Variants in MSH3 observed in about 807,000 individuals in gnomAD.
MSH3 encodes mutS homolog 3.
Under a neutral mutation model 123.3 loss-of-function variants are expected in MSH3, and 106 were observed. The observed-to-expected ratio is 0.86, with a 90% CI of 0.73 to 1.01. The LOEUF (loss-of-function observed/expected upper bound fraction) is 1.01, where lower values mean the gene tolerates loss of function less well. Among genes scored for constraint, MSH3 ranks in the 50% least tolerant of loss-of-function variants. The pLI, the probability that MSH3 is intolerant of heterozygous loss-of-function variation, is 0.00. For missense variants in MSH3, 1,459 were observed against 1,347.6 expected, an observed-to-expected ratio of 1.08 and a Z score of -1.29; for synonymous variants, 515 against 481.4, an observed-to-expected ratio of 1.07 and a Z score of -0.91.
chr5:80,774,931 T>G (rs1580041268), intron 15 of MSH3, among the ~76,000 whole-genome samples: 1 of 152,190 alleles, frequency 6.6e-6, no homozygotes, highest in Admixed American at 6.5e-5. Flanking sequence ...ATAATTTAAT[T>G]GTACATTTTT....
chr5:80,737,587 T>C, intron 10 of MSH3, among the ~76,000 whole-genome samples: 1 of 152,226 alleles, frequency 6.6e-6, no homozygotes, highest in East Asian at 1.9e-4. Context: ...CAATGGTAAA[T>C]AATTTAGAAT....
intron 21 of MSH3, among the ~76,000 whole-genome samples, chr5:80,854,988 A>T (rs191084655): frequency 4.3e-4 from 66 of 152,128 alleles, no homozygotes; most frequent in Non-Finnish European, 7.8e-4. Context: ...TCACTGTGAG[A>T]TCTTTGATCT....
chr5:80,825,690 A>G (rs1263301289), intron 20 of MSH3, among the ~76,000 whole-genome samples: 2 of 152,198 alleles, frequency 1.3e-5, no homozygotes, highest in African/African-American at 4.8e-5. Context: ...ACCAGTGTTT[A>G]AAAGTTTGTT....
At chr5:80,821,765 A>G (rs938951927) in intron 20 of MSH3, among the ~76,000 whole-genome samples, 3 of 152,352 alleles carry the variant, frequency 2.0e-5, no homozygotes, top group East Asian at 1.9e-4. Flanking sequence ...TTATTTGTCA[A>G]AGTTGTGCTT....
chr5:80,852,681 A>G (rs899209731), intron 20 of MSH3, among the ~76,000 whole-genome samples: 3 of 152,230 alleles, frequency 2.0e-5, no homozygotes, highest in African/African-American at 4.8e-5. Flanking sequence ...CATTTCAGAA[A>G]TTATACAATT....
chr5:80,861,567 T>C (rs1746013164), intron 21 of MSH3, among the ~76,000 whole-genome samples: 1 of 152,200 alleles, frequency 6.6e-6, no homozygotes, highest in African/African-American at 2.4e-5. Context: ...AAAATAGTTC[T>C]TTCTTTCTTC....
chr5:80,755,727 T>C (rs1430572730), intron 12 of MSH3, among the ~76,000 whole-genome samples: 1 of 152,128 alleles, frequency 6.6e-6, no homozygotes, highest in Non-Finnish European at 1.5e-5. Flanking sequence ...CTGCAGATCT[T>C]GGTAATCAAA....
chr5:80,808,931 A>G (rs1433416064), intron 19 of MSH3, among the ~76,000 whole-genome samples: 4 of 130,108 alleles, frequency 3.1e-5, no homozygotes, highest in Non-Finnish European at 6.6e-5. Flanking sequence ...TGTAAATGCC[A>G]TACACATTTT....
In MSH3 at chr5:80,654,732, C is replaced by T. The variant is rs768844493; in HGVS notation, c.5C>T (p.Ser2Phe). M[S>F]RRKPASGGLA... is the part of the protein sequence containing the mutation. ...GGCTGCCATCCTTGCCCTGCCATGTCTCGCCGGAAGCCTGCGTCGGGCGGC... is the reference window on the plus strand; with the variant it reads ...GGCTGCCATCCTTGCCCTGCCATGTTTCGCCGGAAGCCTGCGTCGGGCGGC... Residue 2 changes from serine to phenylalanine, a missense_variant, in exon 1 of 24, where the codon TCT (serine) becomes TTT (phenylalanine). Coordinates refer to ENST00000265081, the MANE Select transcript of MSH3 (RefSeq NM_002439.5). 9 of 1,599,422 alleles carry T rather than the reference C, an allele frequency of 5.6e-6. No homozygotes were observed. Among genetic ancestry groups the T allele is most frequent in the Non-Finnish European group, 7.7e-6 (9 of 1,175,048 alleles).
At chr5:80,668,285 T>TA (rs1364012062) in intron 3 of MSH3, among the ~76,000 whole-genome samples, 1 of 152,180 alleles carries the variant, frequency 6.6e-6, no homozygotes, top group African/African-American at 2.4e-5. Flanking sequence ...CCGTAAGTTC[T>TA]AATTCTGGTT....
At chr5:80,676,227 C>T (rs1749836242) in intron 7 of MSH3, among the ~76,000 whole-genome samples, 1 of 152,130 alleles carries the variant, frequency 6.6e-6, no homozygotes, top group East Asian at 1.9e-4. Context: ...AATGGGGTTT[C>T]ACCACGTTGG....
At chr5:80,820,192 T>G (rs1221644690) in intron 20 of MSH3, among the ~76,000 whole-genome samples, 2 of 152,208 alleles carry the variant, frequency 1.3e-5, no homozygotes, top group Admixed American at 1.3e-4. Flanking sequence ...TGCCCAATAC[T>G]GCTGTGGATA....
Position 80,773,042 on chromosome 5 carries a change from A to G in MSH3, c.2254-2652A>G, listed in dbSNP as rs146750137. Among the ~76,000 whole-genome samples the G allele has an allele frequency of 7.6e-4, 115 of 152,278 alleles. 1 individual carries two copies. The highest frequency in any genetic ancestry group is 3.4e-3 in the Middle Eastern group (1 of 294). On this transcript the variant is annotated intron_variant, in intron 15 of 23. Coordinates refer to ENST00000265081, the MANE Select transcript of MSH3 (RefSeq NM_002439.5). ...AGAGTAGAACTTTTGATACTTACAG[A>G]TTGAATAGTTGTGGTCCAAACTGTT...
intron 14 of MSH3, 87 bp from the exon 15 acceptor site, chr5:80,768,748 T>G (rs113181875): frequency 1.1e-5 from 13 of 1,205,368 alleles, no homozygotes; most frequent in African/African-American, 1.1e-4. Flanking sequence ...TCCAGTGCTT[T>G]CCTCTTTTAT....
intron 2 of MSH3, among the ~76,000 whole-genome samples, chr5:80,662,795 C>T (rs1020700820): frequency 1.3e-5 from 2 of 150,884 alleles, no homozygotes; most frequent in Non-Finnish European, 2.9e-5. Flanking sequence ...CCATTGCACT[C>T]CAGCCTGGGT....
chr5:80,739,744 A>T (rs1246912389), intron 10 of MSH3, among the ~76,000 whole-genome samples: 27 of 152,256 alleles, frequency 1.8e-4, no homozygotes, highest in Non-Finnish European at 7.3e-5. Context: ...AAAGGACAGC[A>T]TTGAGTTACT....
At chr5:80,753,717 C>T (rs1743876217) in intron 12 of MSH3, among the ~76,000 whole-genome samples, 1 of 152,010 alleles carries the variant, frequency 6.6e-6, no homozygotes, top group African/African-American at 2.4e-5. Flanking sequence ...AATCCATGGC[C>T]TTTCCACATT....
chr5:80,773,391 C>A (rs1382419356), intron 15 of MSH3, among the ~76,000 whole-genome samples: 1 of 152,180 alleles, frequency 6.6e-6, no homozygotes, highest in Non-Finnish European at 1.5e-5. Flanking sequence ...TTGTTAGACT[C>A]TTCACTCTTA....
At chr5:80,803,820 C>T (rs1484228039) in intron 19 of MSH3, among the ~76,000 whole-genome samples, 1 of 152,022 alleles carries the variant, frequency 6.6e-6, no homozygotes, top group African/African-American at 2.4e-5. Context: ...ACTGTCTTTT[C>T]CCCAGCATAT....
Sources: gnomAD v4.1 joint callset for allele counts (sites outside exome capture counted in the v4.1 genomes callset) on GRCh38, gnomAD v4.1.1 for gene constraint, MANE v1.5 for transcripts, NCBI Gene and HGNC (gene_info 2026-07-23, HGNC 2026-07-21) for gene names.